The following FBXO11 variants were observed in gnomAD, a reference collection of about 807,000 sequenced individuals.
FBXO11 encodes the protein F-box protein 11.
FBXO11 carries 13 observed loss-of-function variants against 117.0 expected under a neutral mutation model. The ratio of observed to expected loss-of-function variants is 0.11; its 90% confidence interval spans 0.07 to 0.18. The LOEUF (loss-of-function observed/expected upper bound fraction) is 0.18, where lower values mean the gene tolerates loss of function less well. Ranked by LOEUF, FBXO11 falls within the 10% of genes least tolerant of loss-of-function variation. FBXO11 has a pLI of 1.00. For synonymous variants in FBXO11, 490 were observed against 380.5 expected (o/e 1.29, Z -3.35); for missense variants, 767 against 1,164.4 (o/e 0.66, Z 4.97).
At chr2:47,819,617 T>A (rs1285205823) in intron 14 of FBXO11, among the ~76,000 whole-genome samples, 3 of 152,214 alleles carry the variant, frequency 2.0e-5, no homozygotes, top group Non-Finnish European at 4.4e-5. Flanking sequence ...ATAGTAGTAG[T>A]AGCATTCAAT....
At chr2:47,887,084 A>C (rs1676913709) in intron 1 of FBXO11, among the ~76,000 whole-genome samples, 1 of 152,018 alleles carries the variant, frequency 6.6e-6, no homozygotes, top group Non-Finnish European at 1.5e-5. Context: ...TTGGGAGTTC[A>C]AGACCTGCCT....
chr2:47,809,063 C>G, intron 21 of FBXO11, 95 bp downstream of exon 21: 1 of 715,788 alleles, frequency 1.4e-6, no homozygotes, highest in Non-Finnish European at 2.4e-6. Flanking sequence ...GTTATAGTCT[C>G]AACACCGGCA....
rs116503200 is a variant in FBXO11 at position 47,817,461 on chromosome 2, G to C, written c.2006+1318C>G. Reference sequence around the variant, plus strand: ...TGTTTTGCTTTGCTTTATCATTCATGTGTTTACTGGAATAGCATTTTTAAT... The same window carrying C: ...TGTTTTGCTTTGCTTTATCATTCATCTGTTTACTGGAATAGCATTTTTAAT... On this transcript the variant is annotated intron_variant, in intron 16 of 22. Coordinates refer to ENST00000403359, the MANE Select transcript of FBXO11 (RefSeq NM_001190274.2). Among the ~76,000 whole-genome samples, 632 of 152,258 alleles carry C rather than the reference G, an allele frequency of 4.2e-3. 2 individuals carry two copies. The highest frequency in any genetic ancestry group is 7.9e-3 in the South Asian group (38 of 4,828).
At chr2:47,897,689 T>C (rs1468770105) in intron 1 of FBXO11, among the ~76,000 whole-genome samples, 1 of 125,578 alleles carries the variant, frequency 8.0e-6, no homozygotes, top group East Asian at 2.2e-4. Context: ...AGAGTGAGAC[T>C]GTGTCTTAAA....
intron 19 of FBXO11, 197 bp downstream of exon 19, chr2:47,810,119 T>C: frequency 1.9e-6 from 1 of 527,494 alleles, no homozygotes; most frequent in Non-Finnish European, 3.3e-6. Context: ...ATAAGAGCAA[T>C]ATTTCTTAGG....
intron 1 of FBXO11, among the ~76,000 whole-genome samples, chr2:47,901,091 A>T (rs1295066897): frequency 1.7e-5 from 2 of 120,724 alleles, no homozygotes; most frequent in Non-Finnish European, 3.5e-5. Flanking sequence ...GTGTACATAT[A>T]TATACATATA....
chr2:47,837,521 C>T, intron 4 of FBXO11, among the ~76,000 whole-genome samples: 1 of 152,114 alleles, frequency 6.6e-6, no homozygotes, highest in East Asian at 1.9e-4. Context: ...GAACGAAACT[C>T]CGTCAAAAAC....
intron 16 of FBXO11, among the ~76,000 whole-genome samples, chr2:47,815,248 CG>C (rs1670928840): frequency 6.6e-6 from 1 of 152,130 alleles, no homozygotes; most frequent in East Asian, 1.9e-4. Flanking sequence ...TCTGGCCTAA[CG>C]GTGATGGACA....
In FBXO11 at chr2:47,823,316, G is replaced by A. The variant is rs1419256893; in HGVS notation, c.1443C>T (p.Gly481=). ...SCNIHRNRIA[G]FEVKAYANPT... ...GGTTAGCATAGGCTTTTACTTCAAAGCCTGCTATCCTATTTCTGTGTATAT... is the reference window on the plus strand; with the variant it reads ...GGTTAGCATAGGCTTTTACTTCAAAACCTGCTATCCTATTTCTGTGTATAT... Residue 481 remains glycine, a synonymous_variant, in exon 12 of 23, where the codon GGC becomes GGT. Coordinates refer to ENST00000403359, the MANE Select transcript of FBXO11 (RefSeq NM_001190274.2). 1 of 1,613,370 alleles carries A rather than the reference G, an allele frequency of 6.2e-7. No individual in the cohort carries two copies. The highest frequency in any genetic ancestry group is 2.2e-5 in the East Asian group (1 of 44,856).
rs903240623 is a variant in FBXO11 at position 47,808,229 on chromosome 2, A to G, written c.2673T>C (p.Gly891=). ...TACAAGGATTAGACAGTGTTCCAGC[A>G]CCACAGTCACAGAAAAACCTAAAGC... ...IRHDRFFCDC[G]AGTLSNPCTL... The change falls in exon 23 of 23, where the codon GGT becomes GGC. Residue 891 remains glycine (G), a synonymous_variant. Transcript: ENST00000403359. 8 of 1,613,286 alleles carry G rather than the reference A, an allele frequency of 5.0e-6. No individual in the cohort carries two copies. In the Admixed American group the frequency reaches 1.2e-4, roughly 24 times the overall value.
chr2:47,813,432 T>TTTAA, intron 17 of FBXO11, 55 bp from the exon 18 acceptor site: 1 of 993,818 alleles, frequency 1.0e-6, no homozygotes, highest in Non-Finnish European at 1.3e-6. Context: ...TTAATTTTTT[T>TTTAA]TTTTTTTTTT....
rs370873832 is a variant in FBXO11 at position 47,892,970 on chromosome 2, T to G, written c.232+12519A>C. On this transcript the variant is annotated intron_variant, in intron 1 of 22. Coordinates refer to ENST00000403359, the MANE Select transcript of FBXO11 (RefSeq NM_001190274.2). Reference sequence around the variant, plus strand: ...TAAATAATTACCAGCCTGGTTCACATGGTGAAACCCTGTCTCTACTAAAAA... The same window carrying G: ...TAAATAATTACCAGCCTGGTTCACAGGGTGAAACCCTGTCTCTACTAAAAA... 1.1e-4 allele frequency among the ~76,000 whole-genome samples: 17 copies of G among 151,962 alleles called. No individual in the cohort carries two copies. In the East Asian group the frequency reaches 1.5e-3, roughly 14 times the overall value.
At chr2:47,872,398 C>G (rs1263344572) in intron 1 of FBXO11, among the ~76,000 whole-genome samples, 1 of 151,980 alleles carries the variant, frequency 6.6e-6, no homozygotes, top group Non-Finnish European at 1.5e-5. Flanking sequence ...AGTCTTGGCT[C>G]ACTGCAACCT....
chr2:47,878,027 T>C (rs1224448435), intron 1 of FBXO11, among the ~76,000 whole-genome samples: 1 of 152,146 alleles, frequency 6.6e-6, no homozygotes, highest in Non-Finnish European at 1.5e-5. Context: ...CTCCTGAAGA[T>C]CCAGTCCCTA....
chr2:47,837,295 G>C (rs1407560793), intron 4 of FBXO11, among the ~76,000 whole-genome samples: 1 of 152,224 alleles, frequency 6.6e-6, no homozygotes, highest in African/African-American at 2.4e-5. Context: ...GGGAGGCCCA[G>C]GCAGGAGGAT....
intron 1 of FBXO11, among the ~76,000 whole-genome samples, chr2:47,882,030 G>C (rs997402766): frequency 3.3e-5 from 5 of 152,160 alleles, no homozygotes; most frequent in African/African-American, 1.2e-4. Context: ...TTACAGATGT[G>C]AGTCACCACG....
At position 47,813,301 on chromosome 2, in the gene FBXO11, A is replaced by G; in HGVS notation, c.2160T>C (p.Pro720=). Residue 720 remains proline, a synonymous_variant, in exon 18 of 23, where the codon CCT becomes CCC. Transcript: ENST00000403359. ...CATGGATTTTATTTCTTCTTAGTGT[A>G]GGATTACTATCTGTCTTAATCCAGA... The part of the protein sequence containing the change: ...AGVWIKTDSN[P]TLRRNKIHDG... 1 of 1,611,682 alleles carries G rather than the reference A, an allele frequency of 6.2e-7. No homozygotes were observed. Among genetic ancestry groups the G allele is most frequent in the Non-Finnish European group, 8.5e-7 (1 of 1,177,930 alleles).
At chr2:47,892,899 C>T (rs920188810) in intron 1 of FBXO11, among the ~76,000 whole-genome samples, 1 of 151,302 alleles carries the variant, frequency 6.6e-6, no homozygotes, top group Non-Finnish European at 1.5e-5. Context: ...ATAACATAAT[C>T]GCTAGGCTGC....
intron 13 of FBXO11, 138 bp downstream of exon 13, chr2:47,822,080 C>A: frequency 3.1e-6 from 2 of 646,176 alleles, no homozygotes; most frequent in South Asian, 3.7e-5. Context: ...AGTAAGACCT[C>A]ATTTCTTTAA....
Sources: allele counts gnomAD v4.1 joint callset (sites outside exome capture counted in the v4.1 genomes callset), GRCh38; gene constraint gnomAD v4.1.1; transcripts MANE v1.5; gene names NCBI Gene and HGNC (gene_info 2026-07-23, HGNC 2026-07-21).